CDH17: variants seen among roughly 807,000 people sequenced by gnomAD.
The protein encoded by CDH17 is cadherin 17, also known as cadherin-17.
In CDH17, 67 loss-of-function variants were observed where a neutral mutation model predicts 86.3. That is an observed-to-expected ratio of 0.78 (90% CI 0.64 to 0.95). The LOEUF is 0.95. CDH17 is among the 40% of genes least tolerant of loss of function. The probability of loss-of-function intolerance (pLI) is 0.00; values close to 1 mark genes in which losing one functional copy is unlikely to be tolerated. For missense variants in CDH17, 993 were observed against 1,017.6 expected (o/e 0.98, Z 0.33); for synonymous variants, 367 against 366.4 (o/e 1.00, Z -0.02).
At chr8:94,182,165 C>T (rs560528308) in intron 3 of CDH17, among the ~76,000 whole-genome samples, 1 of 152,168 alleles carries the variant, frequency 6.6e-6, no homozygotes, top group South Asian at 2.1e-4. Context: ...AAGCCCAGAA[C>T]CAGATGGCTT....
intron 13 of CDH17, among the ~76,000 whole-genome samples, chr8:94,149,538 C>G (rs924445295): frequency 2.6e-5 from 4 of 152,104 alleles, no homozygotes; most frequent in African/African-American, 9.7e-5. Flanking sequence ...CAAAGTCTTT[C>G]TGAAGTAGTA....
intron 15 of CDH17, among the ~76,000 whole-genome samples, chr8:94,143,736 T>C (rs1423471235): frequency 1.3e-5 from 2 of 152,220 alleles, no homozygotes; most frequent in African/African-American, 4.8e-5. Flanking sequence ...TAAATCAACC[T>C]CTGCTAGCTT....
chr8:94,160,250 A>T, intron 11 of CDH17, 88 bp from the exon 12 acceptor site: 1 of 1,014,436 alleles, frequency 9.9e-7, no homozygotes, highest in Non-Finnish European at 1.5e-6. Context: ...TTCAGAATAG[A>T]CACAAGTCAT....
At chr8:94,144,974 G>A (rs1434786511) in intron 15 of CDH17, among the ~76,000 whole-genome samples, 9 of 152,146 alleles carry the variant, frequency 5.9e-5, no homozygotes, top group Non-Finnish European at 1.3e-4. Context: ...CACTCCCACT[G>A]GAATGGCTAA....
intron 15 of CDH17, among the ~76,000 whole-genome samples, chr8:94,131,949 T>C (rs1563562592): frequency 6.6e-6 from 1 of 152,166 alleles, no homozygotes; most frequent in Non-Finnish European, 1.5e-5. Flanking sequence ...GTCCTTGTGA[T>C]AGTTTGCTGA....
chr8:94,185,313 A>ACACACACACC (rs1359042770), intron 3 of CDH17, among the ~76,000 whole-genome samples: 3 of 146,620 alleles, frequency 2.0e-5, no homozygotes, highest in African/African-American at 7.9e-5. Context: ...ACACACACAC[A>ACACACACACC]CCCCTGTAAA....
At chr8:94,128,679 G>T (rs1298565477) in intron 17 of CDH17, among the ~76,000 whole-genome samples, 5 of 152,130 alleles carry the variant, frequency 3.3e-5, no homozygotes, top group Non-Finnish European at 5.9e-5. Context: ...ACCTGACAAA[G>T]TTCCTGAACT....
chr8:94,200,700 C>T (rs760274879), intron 1 of CDH17, among the ~76,000 whole-genome samples: 5 of 151,728 alleles, frequency 3.3e-5, no homozygotes, highest in African/African-American at 4.8e-5. Context: ...GGAACCAGGG[C>T]TGCTGGGCTT....
intron 3 of CDH17, among the ~76,000 whole-genome samples, chr8:94,182,703 C>T (rs1244229481): frequency 1.3e-5 from 2 of 151,980 alleles, no homozygotes; most frequent in Non-Finnish European, 2.9e-5. Context: ...AGATCAGAAA[C>T]AAGACAAGGA....
At chr8:94,185,879 C>G (rs1334628654) in intron 3 of CDH17, among the ~76,000 whole-genome samples, 1 of 152,096 alleles carries the variant, frequency 6.6e-6, no homozygotes, top group East Asian at 1.9e-4. Context: ...TGCCACAGTC[C>G]CCACTACTCC....
In CDH17 at chr8:94,176,594, G is replaced by A; in HGVS notation, c.371C>T (p.Pro124Leu). The A allele has an allele frequency of 1.9e-6, 3 of 1,613,810 alleles. No homozygotes were observed. The highest frequency in any genetic ancestry group is 8.5e-7 in the Non-Finnish European group (1 of 1,179,796). ...TTCGTACTTTGACTGGAGAAACGTG[G>A]GTCGATTGTCGTTGATGTCCTTCAC... is the stretch of plus-strand genomic sequence containing the variant. Reference protein sequence around the residue: ...IKVKDINDNRPTFLQSKYEGS... With the variant: ...IKVKDINDNRLTFLQSKYEGS... The change falls in exon 5 of 18, where the codon CCC (proline) becomes CTC (leucine). Residue 124 changes from proline (P) to leucine (L), a missense_variant. Transcript: ENST00000027335.
At chr8:94,148,949 CT>C in intron 13 of CDH17, 75 bp from the exon 14 acceptor site, 1 of 1,323,714 alleles carries the variant, frequency 7.6e-7, no homozygotes, top group Non-Finnish European at 1.0e-6. Flanking sequence ...TGTGCGTCAA[CT>C]AAATATGTTT....
chr8:94,142,310 T>C (rs963921057), intron 15 of CDH17, among the ~76,000 whole-genome samples: 1 of 152,200 alleles, frequency 6.6e-6, no homozygotes, highest in Admixed American at 6.5e-5. Flanking sequence ...CTCTAGACTG[T>C]TAATAGCATT....
chr8:94,142,975 A>G (rs1354501027), intron 15 of CDH17, among the ~76,000 whole-genome samples: 1 of 152,178 alleles, frequency 6.6e-6, no homozygotes, highest in Non-Finnish European at 1.5e-5. Flanking sequence ...ACTAATGTGT[A>G]TATTTCAACC....
intron 1 of CDH17, among the ~76,000 whole-genome samples, chr8:94,204,329 T>G (rs1813981611): frequency 6.6e-6 from 1 of 152,066 alleles, no homozygotes; most frequent in Admixed American, 6.5e-5. Flanking sequence ...CAGGCCCCGA[T>G]GTGTGATGTT....
Position 94,170,843 on chromosome 8 carries a change from CTT to C in CDH17, c.915+9_915+10del, listed in dbSNP as rs1225773088. 6.2e-7 allele frequency: 1 copy of C among 1,612,642 alleles called. No homozygotes were observed. The highest frequency in any genetic ancestry group is 2.2e-5 in the East Asian group (1 of 44,850). On this transcript the variant is annotated intron_variant, in intron 8 of 17. Coordinates refer to ENST00000027335, the MANE Select transcript of CDH17 (RefSeq NM_004063.4). ...GTCTTGTCGCCTGTGAAACTCTTCT[CTT>C]TTACTCACTGCATCCTTTTCTTCTC...
chr8:94,170,539 A>G lies in CDH17; in HGVS notation c.924T>C (p.Phe308=). ...LDREEKDAYV[F]YAVAKDEYGK... is the part of the protein sequence containing the mutation. ...CGTACTCATCCTTTGCAACTGCATAAAAAACATACTACAACAGGAAAGTCA... is the reference window on the plus strand; with the variant it reads ...CGTACTCATCCTTTGCAACTGCATAGAAAACATACTACAACAGGAAAGTCA... The change falls in exon 9 of 18, where the codon TTT becomes TTC. Residue 308 remains phenylalanine, a synonymous_variant. Coordinates refer to ENST00000027335, the MANE Select transcript of CDH17 (RefSeq NM_004063.4). 1 of 1,613,746 alleles carries G rather than the reference A, an allele frequency of 6.2e-7. No individual in the cohort carries two copies.
chr8:94,171,965 A>C (rs1413320427), intron 7 of CDH17, among the ~76,000 whole-genome samples: 31 of 76,852 alleles, frequency 4.0e-4, no homozygotes, highest in South Asian at 1.6e-3. Context: ...TCCTCTTCCC[A>C]TCTCCCCCTC....
At chr8:94,203,227 T>G (rs1257327067) in intron 1 of CDH17, among the ~76,000 whole-genome samples, 2 of 152,218 alleles carry the variant, frequency 1.3e-5, no homozygotes, top group Non-Finnish European at 2.9e-5. Context: ...GTCAGTCATC[T>G]CTTATTTATT....
Sources: gnomAD v4.1 joint callset for allele counts (sites outside exome capture counted in the v4.1 genomes callset) on GRCh38, gnomAD v4.1.1 for gene constraint, MANE v1.5 for transcripts, NCBI Gene and HGNC (gene_info 2026-07-23, HGNC 2026-07-21) for gene names.